Variants in PTPRQ observed in about 807,000 individuals in gnomAD.
PTPRQ encodes the protein protein tyrosine phosphatase receptor type Q.
Under a neutral mutation model 246.0 loss-of-function variants are expected in PTPRQ, and 199 were observed. The observed-to-expected ratio is 0.81, with a 90% CI of 0.72 to 0.91. The LOEUF is 0.91. PTPRQ is among the 40% of genes least tolerant of loss of function. PTPRQ has a pLI of 0.00. For synonymous variants in PTPRQ, 869 were observed against 853.2 expected, an observed-to-expected ratio of 1.02 and a Z score of -0.32; for missense variants, 2,624 against 2,528.4, an observed-to-expected ratio of 1.04 and a Z score of -0.81.
chr12:80,485,144 G>A (rs967380636), intron 9 of PTPRQ, among the ~76,000 whole-genome samples: 3 of 151,916 alleles, frequency 2.0e-5, no homozygotes, highest in Non-Finnish European at 4.4e-5. Flanking sequence ...TTAAATAAGA[G>A]GACCAGGATC....
In PTPRQ at chr12:80,588,140, C is replaced by G; in HGVS notation, c.4297C>G (p.Pro1433Ala). 1 of 1,522,800 alleles carries G rather than the reference C, an allele frequency of 6.6e-7. No homozygotes were observed. The highest frequency in any genetic ancestry group is 1.3e-5 in the South Asian group (1 of 78,918). 94.3% of individuals were successfully genotyped at this position (1,522,800 alleles called of 1,614,324 possible). ...CCTTTAATTTTTAGTTCCCAGTGTTCCCACAAATATTGCTTTTTCTGATGT... is the reference window on the plus strand; with the variant it reads ...CCTTTAATTTTTAGTTCCCAGTGTTGCCACAAATATTGCTTTTTCTGATGT... ...STLPETVPSV[P>A]TNIAFSDVQS... Residue 1433 changes from proline (P) to alanine (A), a missense_variant, in exon 26 of 45, where the codon CCC becomes GCC. Physicochemically the swap from Pro to Ala is conservative, Grantham distance 27 (BLOSUM62 -1). Coordinates refer to ENST00000644991, the MANE Select transcript of PTPRQ (RefSeq NM_001145026.2).
At position 80,631,023 on chromosome 12, in the gene PTPRQ, A is replaced by G. The variant is rs184006800; in HGVS notation, c.5687-1169A>G. 2.9e-4 allele frequency among the ~76,000 whole-genome samples: 44 copies of G among 152,178 alleles called. No individual in the cohort carries two copies. In the South Asian group the frequency reaches 5.4e-3, roughly 19 times the overall value. On this transcript the variant is annotated intron_variant, in intron 33 of 44. Transcript: ENST00000644991. ...GCCACCGTGCCCAGCCCTGTTTATT[A>G]ATTTCTAATTTTGTCACTCCTTTAA...
At chr12:80,559,245 A>C (rs747461135) in intron 25 of PTPRQ, among the ~76,000 whole-genome samples, 1 of 151,948 alleles carries the variant, frequency 6.6e-6, no homozygotes, top group Admixed American at 6.6e-5. Flanking sequence ...AGAGCTTCGC[A>C]GTGTTACCCA....
At chr12:80,484,110 A>G (rs983282068) in intron 8 of PTPRQ, among the ~76,000 whole-genome samples, 5 of 151,806 alleles carry the variant, frequency 3.3e-5, no homozygotes, top group African/African-American at 1.2e-4. Flanking sequence ...GGTTCAAGCA[A>G]TTCTCCTGCC....
At chr12:80,642,135 T>C (rs1899887396) in intron 35 of PTPRQ, among the ~76,000 whole-genome samples, 1 of 152,138 alleles carries the variant, frequency 6.6e-6, no homozygotes, top group Non-Finnish European at 1.5e-5. Flanking sequence ...ATAGAACACC[T>C]CTACATACGT....
intron 17 of PTPRQ, among the ~76,000 whole-genome samples, chr12:80,529,677 A>G (rs1895787544): frequency 6.6e-6 from 1 of 152,158 alleles, no homozygotes; most frequent in Non-Finnish European, 1.5e-5. Context: ...CTTTTGAAAA[A>G]AAAATGTAAA....
intron 30 of PTPRQ, among the ~76,000 whole-genome samples, chr12:80,618,416 G>A (rs1281718316): frequency 1.4e-5 from 2 of 145,448 alleles, no homozygotes; most frequent in African/African-American, 5.1e-5. Context: ...TGAGCTATAA[G>A]ACCAAATGAA....
intron 17 of PTPRQ, among the ~76,000 whole-genome samples, chr12:80,520,632 T>C (rs1390810384): frequency 2.0e-5 from 3 of 151,718 alleles, no homozygotes; most frequent in East Asian, 3.9e-4. Context: ...GTCCTTGTGA[T>C]AGTTTGCTGA....
chr12:80,520,905 TTCTAGTTC>T (rs1292536327), intron 17 of PTPRQ, among the ~76,000 whole-genome samples: 2 of 151,934 alleles, frequency 1.3e-5, no homozygotes, highest in Non-Finnish European at 2.9e-5. Context: ...CAAATGGTAT[TTCTAGTTC>T]TAGATCCCTG....
In PTPRQ at chr12:80,596,964, A is replaced by G. The variant is rs1897989642; in HGVS notation, c.4610-8095A>G. 2.6e-5 allele frequency among the ~76,000 whole-genome samples: 4 copies of G among 151,758 alleles called. No individual in the cohort carries two copies. The South Asian group carries it at 8.3e-4, about 32-fold the overall frequency. ...AAGTACTTAAAACATTGATTCATTC[A>G]TAAGTCTTTATTTCTAGCACAGAGT... is the stretch of plus-strand genomic sequence containing the variant. On this transcript the variant is annotated intron_variant, in intron 26 of 44. Transcript: ENST00000644991.
In PTPRQ at chr12:80,510,462, G is replaced by T. The variant is rs61951977; in HGVS notation, c.2678+19G>T. 4 of 1,519,906 alleles carry T rather than the reference G, an allele frequency of 2.6e-6. No individual in the cohort carries two copies. The highest frequency in any genetic ancestry group is 3.5e-6 in the Non-Finnish European group (4 of 1,130,372). The allele number at this position is 1,519,906 out of a possible 1,614,324, so 94.2% of individuals were successfully genotyped here. A position where few individuals can be genotyped will look rare whatever the true frequency, so the allele number is the denominator to read the frequency against. On this transcript the variant is annotated intron_variant, in intron 17 of 44. Transcript: ENST00000644991. ...ATGTCTGGTAATAATTTTTTTTTTG[G>T]AAATAGTTCTGAGAACAGATATTAA...
chr12:80,564,621 A>G (rs933748850), intron 25 of PTPRQ, among the ~76,000 whole-genome samples: 30 of 152,242 alleles, frequency 2.0e-4, no homozygotes, highest in African/African-American at 6.8e-4. Context: ...ATTAAAGTTT[A>G]GAATTATATA....
At chr12:80,488,028 G>C (rs779676681) in intron 9 of PTPRQ, among the ~76,000 whole-genome samples, 1 of 151,684 alleles carries the variant, frequency 6.6e-6, no homozygotes, top group Non-Finnish European at 1.5e-5. Context: ...TTTCCTTTTG[G>C]CTTTAGAACT....
chr12:80,533,638 A>G (rs1895906463), intron 17 of PTPRQ, among the ~76,000 whole-genome samples: 1 of 152,002 alleles, frequency 6.6e-6, no homozygotes, highest in Non-Finnish European at 1.5e-5. Flanking sequence ...TAATAGTTTA[A>G]ATAAGATTTT....
chr12:80,619,861 G>A (rs528264992), intron 31 of PTPRQ, among the ~76,000 whole-genome samples: 106 of 151,546 alleles, frequency 7.0e-4, no homozygotes, highest in African/African-American at 2.4e-3. Flanking sequence ...TTTTGATTTT[G>A]GTAAGATGGA....
intron 43 of PTPRQ, among the ~76,000 whole-genome samples, chr12:80,678,291 A>C (rs553747163): frequency 6.6e-6 from 1 of 152,334 alleles, no homozygotes; most frequent in South Asian, 2.1e-4. Flanking sequence ...TAACAGGAAA[A>C]AAACTCATAA....
At chr12:80,591,550 G>A (rs887940450) in intron 26 of PTPRQ, among the ~76,000 whole-genome samples, 6 of 152,144 alleles carry the variant, frequency 3.9e-5, no homozygotes, top group African/African-American at 1.4e-4. Flanking sequence ...GTTTTCCAGT[G>A]CAGGTGATGA....
intron 25 of PTPRQ, among the ~76,000 whole-genome samples, chr12:80,569,824 C>A (rs1184403146): frequency 6.7e-6 from 1 of 149,760 alleles, no homozygotes; most frequent in African/African-American, 2.5e-5. Flanking sequence ...CTTATGAGAA[C>A]ACACGATATT....
intron 3 of PTPRQ, among the ~76,000 whole-genome samples, 156 bp from the exon 4 acceptor site, chr12:80,457,419 G>T (rs10862125): frequency 6.6e-6 from 1 of 151,850 alleles, no homozygotes; most frequent in Non-Finnish European, 1.5e-5. Context: ...TTTGTTGATT[G>T]TATAGATATC....
Sources: gnomAD v4.1 joint callset for allele counts (sites outside exome capture counted in the v4.1 genomes callset) on GRCh38, gnomAD v4.1.1 for gene constraint, MANE v1.5 for transcripts, NCBI Gene and HGNC (gene_info 2026-07-23, HGNC 2026-07-21) for gene names.